Variants in SLC44A1 observed in about 807,000 individuals in gnomAD.
SLC44A1 encodes the protein choline transporter-like protein 1.
In SLC44A1, 26 loss-of-function variants were observed where a neutral mutation model predicts 79.3. That is an observed-to-expected ratio of 0.33 (90% CI 0.24 to 0.46). SLC44A1 has a LOEUF of 0.46. Among genes scored for constraint, SLC44A1 ranks in the 20% least tolerant of loss-of-function variants. SLC44A1 has a pLI of 1.00. For synonymous variants in SLC44A1, 263 were observed against 286.2 expected (o/e 0.92, Z 0.82); for missense variants, 688 against 798.1 (o/e 0.86, Z 1.66).
chr9:105,249,029 G>A (rs1042535697), intron 1 of SLC44A1, among the ~76,000 whole-genome samples: 12 of 152,316 alleles, frequency 7.9e-5, no homozygotes, highest in African/African-American at 2.9e-4. Flanking sequence ...AAGAGGGATG[G>A]AGGAGAATCT....
intron 1 of SLC44A1, among the ~76,000 whole-genome samples, chr9:105,253,960 A>G (rs1259119497): frequency 1.3e-5 from 2 of 152,262 alleles, no homozygotes; most frequent in African/African-American, 4.8e-5. Flanking sequence ...TGACCTTGTG[A>G]TCTGCCTGCC....
intron 1 of SLC44A1, among the ~76,000 whole-genome samples, chr9:105,248,713 C>A (rs954818591): frequency 6.6e-6 from 1 of 152,162 alleles, no homozygotes; most frequent in Non-Finnish European, 1.5e-5. Flanking sequence ...TACTAATCCT[C>A]CCTAAGGCTC....
At chr9:105,385,654 T>C in intron 15 of SLC44A1, 152 bp downstream of exon 15, 3 of 1,419,352 alleles carry the variant, frequency 2.1e-6, no homozygotes, top group Non-Finnish European at 2.8e-6. Context: ...TGCTTACCCA[T>C]CACTTGGATG....
intron 4 of SLC44A1, among the ~76,000 whole-genome samples, chr9:105,345,848 T>C (rs969351482): frequency 2.2e-4 from 34 of 152,276 alleles, no homozygotes; most frequent in African/African-American, 8.2e-4. Context: ...TTGCCTCTGG[T>C]GTGCTTTAGA....
At chr9:105,374,941 A>C (rs200292416) in intron 13 of SLC44A1, among the ~76,000 whole-genome samples, 1 of 152,228 alleles carries the variant, frequency 6.6e-6, no homozygotes, top group East Asian at 1.9e-4. Flanking sequence ...TTTTAAGGTA[A>C]GTTCCATTAT....
chr9:105,375,984 C>T (rs1221986995), intron 13 of SLC44A1, among the ~76,000 whole-genome samples: 1 of 152,018 alleles, frequency 6.6e-6, no homozygotes, highest in Non-Finnish European at 1.5e-5. Context: ...CTTTACATTA[C>T]ATCATATACA....
intron 1 of SLC44A1, among the ~76,000 whole-genome samples, chr9:105,262,093 T>C (rs1271458100): frequency 6.6e-6 from 1 of 152,186 alleles, no homozygotes; most frequent in Non-Finnish European, 1.5e-5. Context: ...CCTGTGTTTC[T>C]TATATAGCTA....
At chr9:105,267,228 G>T (rs926861301) in intron 1 of SLC44A1, among the ~76,000 whole-genome samples, 1 of 152,096 alleles carries the variant, frequency 6.6e-6, no homozygotes, top group Non-Finnish European at 1.5e-5. Context: ...TTCTAGGGTC[G>T]CTGTTGAAGT....
At chr9:105,414,067 A>G (rs1032998778) in intron 15 of SLC44A1, among the ~76,000 whole-genome samples, 4 of 107,466 alleles carry the variant, frequency 3.7e-5, no homozygotes, top group African/African-American at 7.2e-5. Context: ...TTTTTTTTGT[A>G]TTTTTGTTTT....
chr9:105,269,240 A>G (rs1830027336), intron 1 of SLC44A1, among the ~76,000 whole-genome samples: 1 of 152,244 alleles, frequency 6.6e-6, no homozygotes, highest in Non-Finnish European at 1.5e-5. Context: ...AGAAACCCCT[A>G]ATGGCAATAT....
intron 5 of SLC44A1, among the ~76,000 whole-genome samples, chr9:105,355,248 A>G (rs567476038): frequency 1.3e-5 from 2 of 152,352 alleles, no homozygotes; most frequent in East Asian, 3.9e-4. Flanking sequence ...TGATTAGTGT[A>G]TACTGTCCTC....
intron 1 of SLC44A1, among the ~76,000 whole-genome samples, chr9:105,289,978 G>A (rs992188662): frequency 2.0e-5 from 3 of 151,798 alleles, no homozygotes; most frequent in Non-Finnish European, 2.9e-5. Flanking sequence ...CATGCCTGGC[G>A]AATTTGTTTG....
chr9:105,394,064 A>G lies in SLC44A1; in HGVS notation c.*5008A>G, dbSNP rs1402709846. On this transcript the variant is annotated 3_prime_UTR_variant, in exon 16 of 16. Coordinates refer to ENST00000374720, the MANE Select transcript of SLC44A1 (RefSeq NM_080546.5). ...TATGGACTATCTTTCCTTCAAATGCACATCACATGTCTGTGAACACTCAAA... is the reference window on the plus strand; with the variant it reads ...TATGGACTATCTTTCCTTCAAATGCGCATCACATGTCTGTGAACACTCAAA... 1.0e-6 allele frequency: 1 copy of G among 985,032 alleles called. No individual in the cohort carries two copies. Among genetic ancestry groups the G allele is most frequent in the Non-Finnish European group, 1.2e-6 (1 of 829,670 alleles). 61.0% of individuals were successfully genotyped at this position (985,032 alleles called of 1,614,324 possible).
At chr9:105,303,692 G>A (rs753621958) in intron 2 of SLC44A1, among the ~76,000 whole-genome samples, 4 of 152,220 alleles carry the variant, frequency 2.6e-5, no homozygotes, top group Non-Finnish European at 4.4e-5. Flanking sequence ...CAGAAGAGAA[G>A]AGGTAGAAGG....
At chr9:105,344,602 T>C in intron 4 of SLC44A1, among the ~76,000 whole-genome samples, 1 of 152,210 alleles carries the variant, frequency 6.6e-6, no homozygotes, top group East Asian at 1.9e-4. Context: ...ATATAACATA[T>C]AACACCAAAA....
chr9:105,365,716 T>A (rs1827920191), intron 11 of SLC44A1, 77 bp downstream of exon 11: 1 of 1,325,366 alleles, frequency 7.5e-7, no homozygotes, highest in East Asian at 2.3e-5. Flanking sequence ...AAGCACCCAA[T>A]AATGTTAAAT....
chr9:105,428,769 G>A (rs759797782), intron 15 of SLC44A1, among the ~76,000 whole-genome samples: 10 of 152,020 alleles, frequency 6.6e-5, no homozygotes, highest in Non-Finnish European at 8.8e-5. Flanking sequence ...GCGCAATCTC[G>A]GCGCCCTACA....
Position 105,395,266 on chromosome 9 carries a change from TA to T in SLC44A1, c.*6211del. ...ACGGAGTCTCGCTCTATCGCCAGCT[TA>T]GAGTGCAGTGGCTCAATCTTAGCTC... On this transcript the variant is annotated 3_prime_UTR_variant, in exon 16 of 16. Transcript: ENST00000374720. 1.2e-6 allele frequency: 1 copy of T among 837,490 alleles called. No individual in the cohort carries two copies. The highest frequency in any genetic ancestry group is 1.4e-6 in the Non-Finnish European group (1 of 695,294). The allele number at this position is 837,490 out of a possible 1,614,324, so 51.9% of individuals were successfully genotyped here.
chr9:105,249,930 A>T (rs2131192516), intron 1 of SLC44A1, among the ~76,000 whole-genome samples: 1 of 145,774 alleles, frequency 6.9e-6, no homozygotes, highest in East Asian at 2.0e-4. Context: ...GTGCAATGGC[A>T]TGATCATAGC....
Sources: gnomAD v4.1 joint callset for allele counts (sites outside exome capture counted in the v4.1 genomes callset) on GRCh38, gnomAD v4.1.1 for gene constraint, MANE v1.5 for transcripts, NCBI Gene and HGNC (gene_info 2026-07-23, HGNC 2026-07-21) for gene names.